The following SLC5A4 variants were observed in gnomAD, a reference collection of about 807,000 sequenced individuals.
SLC5A4 encodes probable glucose sensor protein SLC5A4.
SLC5A4 carries 55 observed loss-of-function variants against 70.3 expected under a neutral mutation model. The observed-to-expected ratio is 0.78, with a 90% CI of 0.63 to 0.98. SLC5A4 has a LOEUF of 0.98. SLC5A4 is among the 50% of genes least tolerant of loss of function. SLC5A4 has a pLI of 0.00. For synonymous variants in SLC5A4, 268 were observed against 305.7 expected (o/e 0.88, Z 1.29); for missense variants, 735 against 839.2 (o/e 0.88, Z 1.53).
chr22:32,310,481 G>A, the SLC5A4 span, among the ~76,000 whole-genome samples: 3 of 150,152 alleles, frequency 2.0e-5, no homozygotes, highest in Admixed American at 6.6e-5. Flanking sequence ...CTAGCAGACA[G>A]GCTGTGCACC....
In SLC5A4 at chr22:32,239,028, T is replaced by C. The variant is rs928941093; in HGVS notation, c.540A>G (p.Ala180=). 6.2e-7 allele frequency: 1 copy of C among 1,614,086 alleles called. No homozygotes were observed. Among genetic ancestry groups the C allele is most frequent in the Non-Finnish European group, 8.5e-7 (1 of 1,179,972 alleles). Residue 180 remains alanine (A), a synonymous_variant, in exon 6 of 15, where the codon GCA becomes GCG. Transcript: ENST00000266086. ...CAGTCATAGCCAAGAGGATGAAGATTGCCAGGTAAAGGTCCAATCCCAAGG... is the reference window on the plus strand; with the variant it reads ...CAGTCATAGCCAAGAGGATGAAGATCGCCAGGTAAAGGTCCAATCCCAAGG... ...KLALGLDLYL[A]IFILLAMTAV...
upstream of SLC5A4, among the ~76,000 whole-genome samples, chr22:32,259,522 G>A (rs777799944): frequency 2.6e-5 from 4 of 151,870 alleles, no homozygotes; most frequent in Non-Finnish European, 4.4e-5. Flanking sequence ...TTCATATGTT[G>A]AACTATCCCT....
the SLC5A4 span, chr22:32,272,043 T>C: frequency 1.6e-6 from 1 of 639,162 alleles, no homozygotes; most frequent in South Asian, 1.8e-5. Context: ...CTCCCTAGTC[T>C]GCTGGGAGGC....
intron 7 of SLC5A4, 77 bp downstream of exon 7, chr22:32,237,167 A>G (rs1036665751): frequency 9.5e-5 from 95 of 997,178 alleles, no homozygotes; most frequent in Non-Finnish European, 6.1e-5. Flanking sequence ...GCATCCCAAT[A>G]AAGAGCAGAC....
chr22:32,350,609 A>G, the SLC5A4 span, among the ~76,000 whole-genome samples: 2 of 152,174 alleles, frequency 1.3e-5, no homozygotes, highest in Admixed American at 1.3e-4. Context: ...ACGGTATTCA[A>G]ATTTTTTCTA....
the SLC5A4 span, among the ~76,000 whole-genome samples, chr22:32,353,576 G>A: frequency 6.6e-6 from 1 of 152,012 alleles, no homozygotes; most frequent in African/African-American, 2.4e-5. Context: ...CCAGCACCAG[G>A]GGGGCAGCGC....
intron 2 of SLC5A4, among the ~76,000 whole-genome samples, chr22:32,252,564 T>C (rs574041000): frequency 2.0e-5 from 3 of 152,272 alleles, no homozygotes; most frequent in South Asian, 4.1e-4. Flanking sequence ...GTGGCTGCAA[T>C]AGACTATATG....
the SLC5A4 span, among the ~76,000 whole-genome samples, chr22:32,302,383 T>G: frequency 6.6e-6 from 1 of 152,204 alleles, no homozygotes; most frequent in Non-Finnish European, 1.5e-5. Context: ...TAATTGTGAT[T>G]AAGTCCAATT....
At chr22:32,259,239 T>G (rs1019465395), upstream of SLC5A4, among the ~76,000 whole-genome samples, 4 of 152,226 alleles carry the variant, frequency 2.6e-5, no homozygotes, top group African/African-American at 9.6e-5. Flanking sequence ...AATCACATAA[T>G]TTTTTATTAA....
chr22:32,261,620 A>G, the SLC5A4 span, among the ~76,000 whole-genome samples: 3 of 152,220 alleles, frequency 2.0e-5, no homozygotes, highest in African/African-American at 7.2e-5. Context: ...GCACAGGATG[A>G]TCGCCCAGGG....
At chr22:32,249,302 GT>G (rs1251430054) in intron 3 of SLC5A4, among the ~76,000 whole-genome samples, 1 of 152,216 alleles carries the variant, frequency 6.6e-6, no homozygotes, top group Non-Finnish European at 1.5e-5. Context: ...GAGAAGCACA[GT>G]TATTCTTATC....
chr22:32,334,267 G>C, the SLC5A4 span, among the ~76,000 whole-genome samples: 2 of 152,052 alleles, frequency 1.3e-5, no homozygotes, highest in African/African-American at 2.4e-5. Flanking sequence ...CCTCTCCCCT[G>C]GTGCTGGCGT....
At chr22:32,269,196 T>C in the SLC5A4 span, among the ~76,000 whole-genome samples, 1 of 152,194 alleles carries the variant, frequency 6.6e-6, no homozygotes, top group Non-Finnish European at 1.5e-5. The surrounding 1 kb of genome is among the most constrained non-coding windows in gnomAD (Gnocchi z 4.1). Context: ...CGGCTGCATG[T>C]TTTTTATTAC....
chr22:32,239,582 T>TATTTATATATATA (rs1491159994), intron 5 of SLC5A4, among the ~76,000 whole-genome samples: 4 of 16,148 alleles, frequency 2.5e-4, no homozygotes, highest in East Asian at 2.3e-3. Flanking sequence ...ATATATATAT[T>TATTTATATATATA]TATATATATA....
the SLC5A4 span, among the ~76,000 whole-genome samples, chr22:32,338,347 C>T: frequency 2.0e-5 from 3 of 152,142 alleles, no homozygotes; most frequent in Non-Finnish European, 4.4e-5. Context: ...ATCTCAAAAA[C>T]CATCAAAGAA....
chr22:32,324,999 A>G, the SLC5A4 span, among the ~76,000 whole-genome samples: 3 of 152,272 alleles, frequency 2.0e-5, no homozygotes, highest in South Asian at 2.1e-4. Flanking sequence ...CTGTGTGGCC[A>G]TCGACTCCTG....
chr22:32,218,576 C>T lies in SLC5A4; in HGVS notation c.1918G>A (p.Val640Met). The T allele has an allele frequency of 6.2e-7, 1 of 1,613,966 alleles. No individual in the cohort carries two copies. Among genetic ancestry groups the T allele is most frequent in the Non-Finnish European group, 8.5e-7 (1 of 1,179,998 alleles). Residue 640 changes from valine to methionine, a missense_variant, in exon 15 of 15, where the codon GTG (valine) becomes ATG (methionine). Transcript: ENST00000266086. ...AGGAGGAGGATGGCGTTGATGTTCA[C>T]TATTGTCCTCCACGAGGGCCTCTCA... ...TSERPSWRTI[V>M]NINAILLLAV...
chr22:32,273,083 G>T, the SLC5A4 span: 1 of 500,238 alleles, frequency 2.0e-6, no homozygotes, highest in South Asian at 1.5e-5. Flanking sequence ...ACTTGCTGGA[G>T]ACAGATGGCG....
At chr22:32,325,577 T>C in the SLC5A4 span, among the ~76,000 whole-genome samples, 1 of 152,200 alleles carries the variant, frequency 6.6e-6, no homozygotes, top group Admixed American at 6.5e-5. Context: ...TGCCAGAAGG[T>C]GTCTGGACCT....
Sources: gnomAD v4.1 joint callset for allele counts (sites outside exome capture counted in the v4.1 genomes callset) on GRCh38, gnomAD v4.1.1 for gene constraint, Gnocchi (gnomAD v3.1) non-coding constraint, MANE v1.5 for transcripts, NCBI Gene and HGNC (gene_info 2026-07-23, HGNC 2026-07-21) for gene names.